The following DPM1 variants were observed in gnomAD, a reference collection of about 807,000 sequenced individuals.
The protein encoded by DPM1 is dolichyl-phosphate mannosyltransferase subunit 1, catalytic, also known as dolichol-phosphate mannosyltransferase subunit 1.
Under a neutral mutation model 39.0 loss-of-function variants are expected in DPM1, and 27 were observed. The ratio of observed to expected loss-of-function variants is 0.69; its 90% CI spans 0.51 to 0.95. DPM1 has a LOEUF of 0.95. Ranked by LOEUF, DPM1 falls within the 40% of genes least tolerant of loss-of-function variation. The pLI, the probability that DPM1 is intolerant of heterozygous loss-of-function variation, is 0.00. For missense variants in DPM1, 307 were observed against 315.6 expected (o/e 0.97, Z 0.21); for synonymous variants, 124 against 109.0 (o/e 1.14, Z -0.86).
chr20:50,958,562 A>G, upstream of DPM1: 1 of 1,611,978 alleles, frequency 6.2e-7, no homozygotes, highest in Non-Finnish European at 8.5e-7. Context: ...GAATTACGTA[A>G]TGTGGCGCGG....
chr20:50,939,398 C>T (rs2123077590), intron 7 of DPM1, among the ~76,000 whole-genome samples: 1 of 152,170 alleles, frequency 6.6e-6, no homozygotes, highest in East Asian at 1.9e-4. Context: ...CGGAGTCCCA[C>T]TCTACTGCCC....
At chr20:50,958,335 C>T (rs1219484314) in intron 1 of DPM1, 28 bp downstream of exon 1, 10 of 1,610,870 alleles carry the variant, frequency 6.2e-6, no homozygotes, top group Non-Finnish European at 8.5e-6. Flanking sequence ...TCATCTCATT[C>T]TTCGGGGAGG....
chr20:50,958,398 G>A lies in DPM1; in HGVS notation c.126C>T (p.Leu42=), dbSNP rs1279491737. ...PTYNERENLP[L]IVWLLVKSFS... ...AGCTTTTCACCAGCAGCCACACGATGAGCGGCAGGTTCTCGCGCTCGTTGT... is the reference window on the plus strand; with the variant it reads ...AGCTTTTCACCAGCAGCCACACGATAAGCGGCAGGTTCTCGCGCTCGTTGT... The change falls in exon 1 of 9, where the codon CTC becomes CTT. Residue 42 remains leucine, a synonymous_variant. Transcript: ENST00000371588. The A allele has an allele frequency of 1.2e-6, 2 of 1,613,990 alleles. No individual in the cohort carries two copies. The highest frequency in any genetic ancestry group is 2.2e-5 in the South Asian group (2 of 91,080).
At chr20:50,945,322 G>GTGTGTC (rs778734928) in intron 5 of DPM1, among the ~76,000 whole-genome samples, 1 of 140,500 alleles carries the variant, frequency 7.1e-6, no homozygotes, top group Non-Finnish European at 1.5e-5. Flanking sequence ...GTGTGTGTGT[G>GTGTGTC]TCTACTATCT....
chr20:50,948,198 C>T (rs900987580), intron 3 of DPM1, among the ~76,000 whole-genome samples: 2 of 152,152 alleles, frequency 1.3e-5, no homozygotes, highest in Non-Finnish European at 2.9e-5. Context: ...TGGGAATTTC[C>T]CACAGTTCTA....
At chr20:50,941,263 T>TATATATAA (rs1491148504) in intron 6 of DPM1, 11 of 155,996 alleles carry the variant, frequency 7.1e-5, no homozygotes, top group African/African-American at 2.2e-4. Context: ...TATATATATA[T>TATATATAA]AAATAAAATA....
intron 2 of DPM1, among the ~76,000 whole-genome samples, chr20:50,949,139 A>G (rs991724017): frequency 6.6e-6 from 1 of 152,194 alleles, no homozygotes; most frequent in Non-Finnish European, 1.5e-5. Context: ...GATTACAGGC[A>G]TGAGTCACCG....
At chr20:50,941,578 C>T (rs1985831813) in intron 6 of DPM1, among the ~76,000 whole-genome samples, 1 of 151,582 alleles carries the variant, frequency 6.6e-6, no homozygotes, top group Non-Finnish European at 1.5e-5. Context: ...CATGGTGGTG[C>T]AGGTCCACAG....
intron 8 of DPM1, 28 bp from the exon 9 acceptor site, chr20:50,935,264 A>G (rs1350323185): frequency 7.1e-7 from 1 of 1,411,164 alleles, no homozygotes; most frequent in Admixed American, 1.7e-5. Flanking sequence ...AAGTAACGTT[A>G]GTCTTTAAAA....
chr20:50,945,015 T>C (rs1325923942), intron 5 of DPM1: 1 of 152,242 alleles, frequency 6.6e-6, no homozygotes, highest in Non-Finnish European at 1.5e-5. Context: ...GTAAATAATA[T>C]CTCCTTTAGC....
At chr20:50,947,423 T>C (rs912934422) in intron 3 of DPM1, among the ~76,000 whole-genome samples, 23 of 152,278 alleles carry the variant, frequency 1.5e-4, no homozygotes, top group South Asian at 8.3e-4. Context: ...AGTTTCCAGA[T>C]TTTTTTGAAT....
Position 50,947,636 on chromosome 20 carries a change from C to T in DPM1, c.295+993G>A, listed in dbSNP as rs550158774. Among the ~76,000 whole-genome samples, 15 of 152,158 alleles carry T rather than the reference C, an allele frequency of 9.9e-5. No individual in the cohort carries two copies. In the East Asian group the frequency reaches 2.9e-3, roughly 29 times the overall value. ...TATGTTTAAAAGCTGGAAAAGCTTC[C>T]TTTTTTAAAAATAAAGAATAACTGT... On this transcript the variant is annotated intron_variant, in intron 3 of 8. Coordinates refer to ENST00000371588, the MANE Select transcript of DPM1 (RefSeq NM_003859.3).
intron 2 of DPM1, among the ~76,000 whole-genome samples, chr20:50,951,958 C>A (rs1479377502): frequency 6.6e-6 from 1 of 152,116 alleles, no homozygotes; most frequent in East Asian, 1.9e-4. Context: ...CACCTCTCCA[C>A]CCTCCCCTGA....
rs1351402713 is a variant in DPM1 at position 50,942,225 on chromosome 20, A to G, written c.399-99T>C. On this transcript the variant is annotated intron_variant, in intron 5 of 8. Coordinates refer to ENST00000371588, the MANE Select transcript of DPM1 (RefSeq NM_003859.3). ...CAAAACTTTTAAGAGAAGTCGACAC[A>G]GGCTGGGTGCAGTGGCTCACGCCTG... 4 of 1,104,096 alleles carry G rather than the reference A, an allele frequency of 3.6e-6. No homozygotes were observed. In the East Asian group the frequency reaches 9.6e-5, roughly 26 times the overall value. 68.4% of individuals were successfully genotyped at this position (1,104,096 alleles called of 1,614,324 possible).
intron 2 of DPM1, among the ~76,000 whole-genome samples, chr20:50,950,844 C>T (rs1053318130): frequency 6.6e-6 from 1 of 151,994 alleles, no homozygotes; most frequent in Non-Finnish European, 1.5e-5. Flanking sequence ...ACTCCAGCCT[C>T]AGTGACACAG....
intron 5 of DPM1, 95 bp from the exon 6 acceptor site, chr20:50,942,221 A>C: frequency 8.7e-7 from 1 of 1,153,214 alleles, no homozygotes; most frequent in Non-Finnish European, 1.3e-6. Flanking sequence ...AGAGAAGTCG[A>C]CACAGGCTGG....
chr20:50,953,978 G>A (rs1341296957), intron 2 of DPM1, among the ~76,000 whole-genome samples: 1 of 152,078 alleles, frequency 6.6e-6, no homozygotes, highest in Non-Finnish European at 1.5e-5. Flanking sequence ...GGTTTTCAGA[G>A]AAGACTTGAG....
intron 7 of DPM1, among the ~76,000 whole-genome samples, chr20:50,939,695 C>A (rs1985543599): frequency 1.3e-5 from 2 of 152,078 alleles, no homozygotes; most frequent in African/African-American, 4.8e-5. Context: ...CTCACTGCAA[C>A]CTCTGCCTCT....
chr20:50,940,814 A>C (rs762578640), intron 7 of DPM1, 51 bp downstream of exon 7: 17 of 1,393,926 alleles, frequency 1.2e-5, no homozygotes, highest in Non-Finnish European at 1.7e-5. Flanking sequence ...ATCCATTGTA[A>C]AGAAAGTTAG....
Sources: allele counts gnomAD v4.1 joint callset (sites outside exome capture counted in the v4.1 genomes callset), GRCh38; gene constraint gnomAD v4.1.1; transcripts MANE v1.5; gene names NCBI Gene and HGNC (gene_info 2026-07-23, HGNC 2026-07-21).